TMEM178B: variants seen among roughly 807,000 people sequenced by gnomAD.
The protein encoded by TMEM178B is transmembrane protein 178B.
TMEM178B carries 5 observed loss-of-function variants against 31.0 expected under a neutral mutation model. That is an observed-to-expected ratio of 0.16 (90% confidence interval 0.08 to 0.34). TMEM178B has a LOEUF of 0.34. Ranked by LOEUF, TMEM178B falls within the 10% of genes least tolerant of loss-of-function variation. TMEM178B has a pLI of 1.00. For missense variants in TMEM178B, 275 were observed against 400.3 expected, an observed-to-expected ratio of 0.69 and a Z score of 2.67; for synonymous variants, 164 against 164.0, an observed-to-expected ratio of 1.00 and a Z score of 0.00.
At chr7:141,444,992 C>T (rs780441960) in intron 3 of TMEM178B, among the ~76,000 whole-genome samples, 25 of 152,190 alleles carry the variant, frequency 1.6e-4, no homozygotes, top group Non-Finnish European at 2.6e-4. Flanking sequence ...GAGGAGACCG[C>T]GGCCAGAACC....
At chr7:141,242,437 T>C (rs1797638256) in intron 2 of TMEM178B, among the ~76,000 whole-genome samples, 1 of 151,982 alleles carries the variant, frequency 6.6e-6, no homozygotes, top group Non-Finnish European at 1.5e-5. Context: ...AGTGATTTCC[T>C]CATGGTATTC....
At chr7:141,348,300 A>G (rs1363211440) in intron 2 of TMEM178B, among the ~76,000 whole-genome samples, 1 of 152,236 alleles carries the variant, frequency 6.6e-6, no homozygotes, top group Admixed American at 6.5e-5. Flanking sequence ...CAGTTTTCTA[A>G]ACTCGCCATT....
intron 1 of TMEM178B, among the ~76,000 whole-genome samples, chr7:141,076,436 CT>C (rs1430754832): frequency 6.6e-6 from 1 of 152,126 alleles, no homozygotes; most frequent in Non-Finnish European, 1.5e-5. Flanking sequence ...CTTTTCCTTC[CT>C]TGAATGCCTT....
chr7:141,458,402 T>A (rs1802004154), intron 3 of TMEM178B, among the ~76,000 whole-genome samples: 1 of 152,176 alleles, frequency 6.6e-6, no homozygotes, highest in Non-Finnish European at 1.5e-5. Flanking sequence ...ATCTAGGAGA[T>A]AAGTTCCATT....
At chr7:141,290,532 CATGTG>C (rs1798527509) in intron 2 of TMEM178B, among the ~76,000 whole-genome samples, 1 of 84,404 alleles carries the variant, frequency 1.2e-5, no homozygotes, top group Non-Finnish European at 4.0e-5. Context: ...CACACATACA[CATGTG>C]CACACACACA....
intron 2 of TMEM178B, among the ~76,000 whole-genome samples, chr7:141,320,728 A>G (rs1799083361): frequency 6.6e-6 from 1 of 152,222 alleles, no homozygotes; most frequent in Admixed American, 6.5e-5. Context: ...TTAATCACCA[A>G]AAAATCCTAT....
chr7:141,363,268 G>C (rs1210446297), intron 2 of TMEM178B, among the ~76,000 whole-genome samples: 3 of 152,094 alleles, frequency 2.0e-5, no homozygotes, highest in South Asian at 4.1e-4. Flanking sequence ...ATTCCTTTAG[G>C]ATCTTGCTGT....
chr7:141,510,709 A>AAAAAAAAG, the TMEM178B span, among the ~76,000 whole-genome samples: 1 of 135,044 alleles, frequency 7.4e-6, no homozygotes, highest in East Asian at 2.0e-4. Flanking sequence ...AAAAAAAAAA[A>AAAAAAAAG]AAAGAAAAAA....
At chr7:141,243,492 G>A (rs1797661306) in intron 2 of TMEM178B, among the ~76,000 whole-genome samples, 1 of 152,134 alleles carries the variant, frequency 6.6e-6, no homozygotes. Flanking sequence ...CGTCAGCAGG[G>A]GCTGGTGGTG....
At chr7:141,184,275 A>T (rs770186956) in intron 1 of TMEM178B, among the ~76,000 whole-genome samples, 6 of 152,148 alleles carry the variant, frequency 3.9e-5, no homozygotes, top group Admixed American at 6.5e-5. Context: ...GATGTGATAG[A>T]TCTGCAGTTG....
At chr7:141,224,289 A>G (rs1797304427) in intron 2 of TMEM178B, among the ~76,000 whole-genome samples, 2 of 152,192 alleles carry the variant, frequency 1.3e-5, no homozygotes, top group African/African-American at 2.4e-5. Flanking sequence ...ACATAAACCA[A>G]CTTAAATTTG....
chr7:141,235,888 C>T (rs1797520305), intron 2 of TMEM178B, among the ~76,000 whole-genome samples: 1 of 152,216 alleles, frequency 6.6e-6, no homozygotes, highest in Non-Finnish European at 1.5e-5. Context: ...GCAGTGCTTT[C>T]CTGCTGGCTT....
rs10582858 is a variant in TMEM178B, at chr7:141,192,490, C to CT, written c.383-20085dup. Among the ~76,000 whole-genome samples, 541 of 142,158 alleles carry CT rather than the reference C, an allele frequency of 3.8e-3. 1 individual carries two copies. The highest frequency in any genetic ancestry group is 6.3e-3 in the Non-Finnish European group (408 of 65,016). The allele number at this position is 142,158 out of a possible 152,430, so 93.3% of individuals were successfully genotyped here. ...GAATGGGGACTCTCCATGCAGCGGT[C>CT]TTTTTTTTTTTTTTTTGAGACAGAG... On this transcript the variant is annotated intron_variant, in intron 1 of 3. Transcript: ENST00000565468.
chr7:141,277,409 C>T (rs137856332), intron 2 of TMEM178B, among the ~76,000 whole-genome samples: 2,529 of 152,278 alleles, frequency 0.017, 40 homozygotes, highest in Non-Finnish European at 0.028. Context: ...CTGTCTTCCA[C>T]CTCCGCATCT....
chr7:141,394,956 C>T lies in TMEM178B; in HGVS notation c.497-42652C>T, dbSNP rs535019582. ...TATGTGTTCCCCATGAACTCTGTGA[C>T]CACCTATGATCCCTTTGACCTTTCA... is the stretch of plus-strand genomic sequence containing the variant. On this transcript the variant is annotated intron_variant, in intron 2 of 3. Transcript: ENST00000565468. 3.9e-5 allele frequency among the ~76,000 whole-genome samples: 6 copies of T among 152,292 alleles called. 1 individual carries two copies. In the South Asian group the frequency reaches 1.2e-3, roughly 32 times the overall value.
chr7:141,497,321 C>G, the TMEM178B span, among the ~76,000 whole-genome samples: 1 of 152,186 alleles, frequency 6.6e-6, no homozygotes, highest in African/African-American at 2.4e-5. Flanking sequence ...AACTCTCCTT[C>G]CCTTTTCTCC....
intron 2 of TMEM178B, among the ~76,000 whole-genome samples, chr7:141,383,166 T>G (rs1328082403): frequency 1.3e-5 from 2 of 151,946 alleles, no homozygotes; most frequent in African/African-American, 2.4e-5. Context: ...CTTTCTTTCT[T>G]TTTTTTTAAA....
intron 1 of TMEM178B, among the ~76,000 whole-genome samples, chr7:141,117,393 A>G (rs972196386): frequency 1.3e-5 from 2 of 151,802 alleles, no homozygotes; most frequent in Non-Finnish European, 2.9e-5. Context: ...AGTTCTTTGT[A>G]GATTCTGGAT....
At chr7:141,492,760 T>C in the TMEM178B span, among the ~76,000 whole-genome samples, 1 of 152,154 alleles carries the variant, frequency 6.6e-6, no homozygotes, top group Non-Finnish European at 1.5e-5. Flanking sequence ...CCACCCCCTC[T>C]TCCTGTTCTC....
Sources: gnomAD v4.1 joint callset for allele counts (sites outside exome capture counted in the v4.1 genomes callset) on GRCh38, gnomAD v4.1.1 for gene constraint, MANE v1.5 for transcripts, NCBI Gene and HGNC (gene_info 2026-07-23, HGNC 2026-07-21) for gene names.